Variants in LRRC4C observed in about 807,000 individuals in gnomAD.
LRRC4C encodes leucine-rich repeat-containing protein 4C.
Under a neutral mutation model 33.6 loss-of-function variants are expected in LRRC4C, and 5 were observed. That is an observed-to-expected ratio of 0.15 (90% CI 0.08 to 0.31). The LOEUF is 0.31. Ranked by LOEUF, LRRC4C falls within the 10% of genes least tolerant of loss-of-function variation. The pLI, the probability that LRRC4C is intolerant of heterozygous loss-of-function variation, is 1.00. For synonymous variants in LRRC4C, 329 were observed against 302.0 expected (o/e 1.09, Z -0.93); for missense variants, 560 against 796.7 (o/e 0.70, Z 3.58).
At chr11:40,246,225 C>T (rs1014849969) in intron 4 of LRRC4C, among the ~76,000 whole-genome samples, 14 of 152,014 alleles carry the variant, frequency 9.2e-5, no homozygotes, top group East Asian at 3.9e-4. Flanking sequence ...ACACCTGCCT[C>T]AGCCTCCAAA....
chr11:40,594,842 A>G (rs981282104), intron 3 of LRRC4C, among the ~76,000 whole-genome samples: 5 of 152,196 alleles, frequency 3.3e-5, no homozygotes, highest in African/African-American at 1.2e-4. Flanking sequence ...ATATTAAAAA[A>G]TAAGTAAACA....
chr11:41,161,309 T>C (rs868010675), intron 1 of LRRC4C, among the ~76,000 whole-genome samples: 5 of 152,282 alleles, frequency 3.3e-5, no homozygotes, highest in South Asian at 2.1e-4. Context: ...GCCTAAATGG[T>C]TTAATCACAG....
At chr11:41,116,194 G>A (rs1259010014) in intron 1 of LRRC4C, among the ~76,000 whole-genome samples, 1 of 152,022 alleles carries the variant, frequency 6.6e-6, no homozygotes, top group African/African-American at 2.4e-5. Flanking sequence ...ACAAGCTTTG[G>A]TTTCAAAGAA....
At chr11:41,044,577 G>C (rs1857646125) in intron 1 of LRRC4C, among the ~76,000 whole-genome samples, 1 of 152,098 alleles carries the variant, frequency 6.6e-6, no homozygotes. Context: ...AAGGTCAATG[G>C]TGGTGAAAAT....
At chr11:40,672,088 G>C (rs975160733) in intron 2 of LRRC4C, among the ~76,000 whole-genome samples, 1 of 152,192 alleles carries the variant, frequency 6.6e-6, no homozygotes, top group South Asian at 2.1e-4. Flanking sequence ...AACTACCATA[G>C]ACTGGGTGAT....
chr11:41,103,957 C>A (rs1460412147), intron 1 of LRRC4C, among the ~76,000 whole-genome samples: 1 of 151,796 alleles, frequency 6.6e-6, no homozygotes, highest in Non-Finnish European at 1.5e-5. Flanking sequence ...ACCCCTACTT[C>A]AAACTATATA....
chr11:40,532,801 A>T (rs1013527329), intron 3 of LRRC4C, among the ~76,000 whole-genome samples: 3 of 152,106 alleles, frequency 2.0e-5, no homozygotes, highest in Non-Finnish European at 4.4e-5. Flanking sequence ...ATAAAGAAAT[A>T]CCTGAGACTG....
intron 2 of LRRC4C, among the ~76,000 whole-genome samples, chr11:40,894,318 T>C (rs1955845924): frequency 6.6e-6 from 1 of 152,140 alleles, no homozygotes; most frequent in Admixed American, 6.5e-5. Flanking sequence ...GATTCATGAA[T>C]TTTTATAAAG....
At chr11:40,298,725 T>C (rs1944631551) in intron 4 of LRRC4C, among the ~76,000 whole-genome samples, 1 of 152,024 alleles carries the variant, frequency 6.6e-6, no homozygotes, top group African/African-American at 2.4e-5. Flanking sequence ...TTTAATTGAC[T>C]CACAGTTCCA....
At chr11:41,328,416 T>C (rs1359566973) in intron 1 of LRRC4C, among the ~76,000 whole-genome samples, 1 of 152,136 alleles carries the variant, frequency 6.6e-6, no homozygotes, top group Non-Finnish European at 1.5e-5. Flanking sequence ...TCTCTGAGTG[T>C]GTATATGTGT....
At chr11:41,006,544 G>A (rs1182437126) in intron 1 of LRRC4C, among the ~76,000 whole-genome samples, 1 of 152,156 alleles carries the variant, frequency 6.6e-6, no homozygotes, top group East Asian at 1.9e-4. Context: ...AGCCTCTAGT[G>A]ATGACTAGGC....
At chr11:40,831,044 T>C (rs4298892) in intron 2 of LRRC4C, among the ~76,000 whole-genome samples, 5,304 of 152,190 alleles carry the variant, frequency 0.035, 186 homozygotes, top group African/African-American at 0.087. Flanking sequence ...CTTTACTTAG[T>C]TGTTATCTAG....
intron 2 of LRRC4C, among the ~76,000 whole-genome samples, chr11:40,684,020 T>A (rs1190898139): frequency 6.6e-6 from 1 of 152,112 alleles, no homozygotes; most frequent in Non-Finnish European, 1.5e-5. Context: ...TATGCTGGAG[T>A]TATCCCCACA....
chr11:41,108,756 A>C (rs1379845888), intron 1 of LRRC4C, among the ~76,000 whole-genome samples: 3 of 152,160 alleles, frequency 2.0e-5, no homozygotes, highest in African/African-American at 7.2e-5. Context: ...TTTCCACTGG[A>C]AACATATATT....
chr11:40,968,981 C>T (rs762075508), intron 1 of LRRC4C, among the ~76,000 whole-genome samples: 7 of 152,096 alleles, frequency 4.6e-5, no homozygotes, highest in Non-Finnish European at 7.4e-5. Context: ...GTAGTGATTT[C>T]TTTAATGGAT....
At chr11:41,440,641 T>C (rs1398031253) in intron 1 of LRRC4C, among the ~76,000 whole-genome samples, 1 of 152,052 alleles carries the variant, frequency 6.6e-6, no homozygotes, top group Non-Finnish European at 1.5e-5. Context: ...CCCACCGAAA[T>C]CTCATCTCAA....
chr11:40,851,806 T>C (rs1368153850), intron 2 of LRRC4C, among the ~76,000 whole-genome samples: 1 of 152,058 alleles, frequency 6.6e-6, no homozygotes, highest in East Asian at 1.9e-4. Context: ...AGTATATGCT[T>C]AAATAAGTGG....
intron 1 of LRRC4C, among the ~76,000 whole-genome samples, chr11:41,128,954 A>T (rs1201045602): frequency 1.3e-5 from 2 of 152,014 alleles, no homozygotes; most frequent in African/African-American, 4.8e-5. Flanking sequence ...ATATCACTAC[A>T]ATAATTAGAA....
intron 1 of LRRC4C, among the ~76,000 whole-genome samples, chr11:41,174,002 G>A (rs1945089631): frequency 1.3e-5 from 2 of 152,150 alleles, no homozygotes; most frequent in African/African-American, 2.4e-5. Flanking sequence ...GCATCATGAT[G>A]AGTGACCATT....
Sources: gnomAD v4.1 joint callset for allele counts (sites outside exome capture counted in the v4.1 genomes callset) on GRCh38, gnomAD v4.1.1 for gene constraint, MANE v1.5 for transcripts, NCBI Gene and HGNC (gene_info 2026-07-23, HGNC 2026-07-21) for gene names.